Variants in TNPO1 observed in about 807,000 individuals in gnomAD.
TNPO1 encodes transportin-1.
In TNPO1, 8 loss-of-function variants were observed where a neutral mutation model predicts 119.5. The observed-to-expected ratio is 0.07, with a 90% CI of 0.04 to 0.12. The LOEUF is 0.12. Among genes scored for constraint, TNPO1 ranks in the 10% least tolerant of loss-of-function variants. TNPO1 has a pLI of 1.00. For missense variants in TNPO1, 576 were observed against 1,089.8 expected, an observed-to-expected ratio of 0.53 and a Z score of 6.64; for synonymous variants, 362 against 363.0, an observed-to-expected ratio of 1.00 and a Z score of 0.03.
intron 14 of TNPO1, among the ~76,000 whole-genome samples, chr5:72,890,850 A>G (rs1748996740): frequency 6.6e-6 from 1 of 152,150 alleles, no homozygotes; most frequent in Non-Finnish European, 1.5e-5. Flanking sequence ...CAGTTCCATG[A>G]CTAAAAGGAA....
At chr5:72,833,721 A>T (rs1744573272) in intron 1 of TNPO1, among the ~76,000 whole-genome samples, 1 of 152,322 alleles carries the variant, frequency 6.6e-6, no homozygotes, top group Admixed American at 6.5e-5. Flanking sequence ...GTGTCATTTC[A>T]GATTTCCTTC....
intron 2 of TNPO1, among the ~76,000 whole-genome samples, chr5:72,849,984 G>A (rs760389762): frequency 1.3e-5 from 2 of 152,056 alleles, no homozygotes; most frequent in Non-Finnish European, 2.9e-5. Flanking sequence ...GCTTAGTACC[G>A]TGCTTGGGCA....
intron 20 of TNPO1, 73 bp downstream of exon 20, chr5:72,897,224 C>T: frequency 2.0e-6 from 2 of 988,790 alleles, no homozygotes. Context: ...GTAGAGAAAC[C>T]AAAGCAAAAC....
chr5:72,903,913 C>A, intron 23 of TNPO1, 130 bp downstream of exon 23: 1 of 559,288 alleles, frequency 1.8e-6, no homozygotes, highest in Non-Finnish European at 3.1e-6. Context: ...ACATATATAA[C>A]CTTTATTCTT....
At chr5:72,828,881 T>C (rs972341083) in intron 1 of TNPO1, among the ~76,000 whole-genome samples, 12 of 152,194 alleles carry the variant, frequency 7.9e-5, no homozygotes, top group African/African-American at 2.7e-4. Flanking sequence ...TAATGGTAGA[T>C]CAGTTTAATA....
chr5:72,821,420 T>C (rs1182795345), intron 1 of TNPO1, among the ~76,000 whole-genome samples: 1 of 152,176 alleles, frequency 6.6e-6, no homozygotes, highest in African/African-American at 2.4e-5. Context: ...AAATAAATTA[T>C]TAGGAATAGG....
At chr5:72,895,640 G>C (rs1749374248) in intron 18 of TNPO1, among the ~76,000 whole-genome samples, 1 of 152,116 alleles carries the variant, frequency 6.6e-6, no homozygotes, top group South Asian at 2.1e-4. Flanking sequence ...TTTATTAGGA[G>C]TTTAAAAAAT....
At position 72,852,328 on chromosome 5, in the gene TNPO1, G is replaced by A. The variant is rs555844639; in HGVS notation, c.205+1009G>A. Among the ~76,000 whole-genome samples the A allele has an allele frequency of 3.9e-5, 6 of 152,214 alleles. No homozygotes were observed. The South Asian group carries it at 8.3e-4, about 21-fold the overall frequency. On this transcript the variant is annotated intron_variant, in intron 3 of 24. Transcript: ENST00000337273. ...ACATTATTTCATAAATATTTATGGA[G>A]CGCCATCTCTGCCATGCAATTTACA...
chr5:72,835,376 A>G, intron 1 of TNPO1, among the ~76,000 whole-genome samples: 1 of 152,316 alleles, frequency 6.6e-6, no homozygotes, highest in Non-Finnish European at 1.5e-5. Flanking sequence ...CAAAATAATA[A>G]AAATGTATTT....
chr5:72,823,760 A>C (rs1185749147), intron 1 of TNPO1, among the ~76,000 whole-genome samples: 1 of 151,918 alleles, frequency 6.6e-6, no homozygotes, highest in East Asian at 1.9e-4. Context: ...TTTTTTTTGC[A>C]CTTGCCCCTA....
chr5:72,834,640 A>G (rs1346164781), intron 1 of TNPO1, among the ~76,000 whole-genome samples: 1 of 152,236 alleles, frequency 6.6e-6, no homozygotes, highest in Non-Finnish European at 1.5e-5. Flanking sequence ...AAGAGTCAAA[A>G]CTTTTAAAAT....
intron 1 of TNPO1, among the ~76,000 whole-genome samples, chr5:72,830,449 CAATTT>C (rs1414356038): frequency 6.6e-6 from 1 of 151,522 alleles, no homozygotes; most frequent in African/African-American, 2.4e-5. Context: ...AATTTAATAA[CAATTT>C]AAATTAATAG....
intron 1 of TNPO1, among the ~76,000 whole-genome samples, chr5:72,829,595 C>T (rs1744357921): frequency 6.6e-6 from 1 of 152,170 alleles, no homozygotes; most frequent in Non-Finnish European, 1.5e-5. Flanking sequence ...GAAGTAATGC[C>T]AGCTTTTGTA....
chr5:72,896,199 A>G (rs1749417663), intron 18 of TNPO1, among the ~76,000 whole-genome samples: 2 of 152,092 alleles, frequency 1.3e-5, no homozygotes, highest in South Asian at 2.1e-4. Context: ...CCTGTTCCAC[A>G]TTATTTGAAA....
Position 72,896,471 on chromosome 5 carries a change from A to G in TNPO1, c.2157A>G (p.Pro719=), listed in dbSNP as rs200481031. ...TTTTTTTTCTAGCTGATTTCATGCCAATATTGGGAACCAACCTAAATCCAG... is the reference window on the plus strand; with the variant it reads ...TTTTTTTTCTAGCTGATTTCATGCCGATATTGGGAACCAACCTAAATCCAG... ...HVKPCIADFM[P]ILGTNLNPEF... is the part of the protein sequence containing the mutation. Residue 719 remains proline (P), a synonymous_variant, in exon 19 of 25, where the codon CCA becomes CCG. Coordinates refer to ENST00000337273, the MANE Select transcript of TNPO1 (RefSeq NM_002270.4). 145 of 1,612,158 alleles carry G rather than the reference A, an allele frequency of 9.0e-5. 1 individual carries two copies. In the South Asian group the frequency reaches 1.5e-3, roughly 17 times the overall value.
At chr5:72,880,189 T>G (rs951087291) in intron 9 of TNPO1, among the ~76,000 whole-genome samples, 2 of 152,022 alleles carry the variant, frequency 1.3e-5, no homozygotes, top group African/African-American at 4.8e-5. Flanking sequence ...GTGAGACCCT[T>G]TCTCAGAAAA....
chr5:72,869,304 T>C (rs1747192404), intron 6 of TNPO1, among the ~76,000 whole-genome samples: 1 of 152,102 alleles, frequency 6.6e-6, no homozygotes, highest in Non-Finnish European at 1.5e-5. Flanking sequence ...CCCAGCACTT[T>C]GGGAGGCTGA....
intron 1 of TNPO1, among the ~76,000 whole-genome samples, chr5:72,836,215 C>T (rs553154438): frequency 6.6e-6 from 1 of 152,366 alleles, no homozygotes; most frequent in Non-Finnish European, 1.5e-5. Context: ...CACAGCTCCA[C>T]TAGGCGTGCC....
At chr5:72,888,329 T>A (rs370740254) in intron 13 of TNPO1, 26 bp downstream of exon 13, 15 of 1,592,074 alleles carry the variant, frequency 9.4e-6, no homozygotes, top group Non-Finnish European at 1.3e-5. Context: ...AACACAGTGT[T>A]CTTTGTGGCA....
Sources: gnomAD v4.1 joint callset for allele counts (sites outside exome capture counted in the v4.1 genomes callset) on GRCh38, gnomAD v4.1.1 for gene constraint, MANE v1.5 for transcripts, NCBI Gene and HGNC (gene_info 2026-07-23, HGNC 2026-07-21) for gene names.